Variants in HNRNPA1 observed in about 807,000 individuals in gnomAD.
HNRNPA1 encodes the protein epididymis secretory sperm binding protein.
A neutral mutation model predicts 44.4 loss-of-function variants in HNRNPA1; 7 were observed. The observed-to-expected ratio is 0.16, with a 90% CI of 0.09 to 0.30. HNRNPA1 has a LOEUF of 0.30. Among genes scored for constraint, HNRNPA1 ranks in the 10% least tolerant of loss-of-function variants. HNRNPA1 has a pLI of 1.00. For missense variants in HNRNPA1, 193 were observed against 465.8 expected (o/e 0.41, Z 5.39); for synonymous variants, 169 against 160.6 (o/e 1.05, Z -0.40).
rs1026998836 is a variant in HNRNPA1 at position 54,285,651 on chromosome 12, A to T, written c.*1107A>T. 76 of 152,288 alleles carry T rather than the reference A, an allele frequency of 5.0e-4. No homozygotes were observed. Among genetic ancestry groups the T allele is most frequent in the African/African-American group, 1.8e-3 (74 of 41,556 alleles). 9.4% of individuals were successfully genotyped at this position (152,288 alleles called of 1,614,324 possible). A position where few individuals can be genotyped will look rare whatever the true frequency, so the allele number is the denominator to read the frequency against. On this transcript the variant is annotated 3_prime_UTR_variant, in exon 11 of 11. Transcript: ENST00000340913. ...GTTTCCCTTTATGGCACAAGGGGTC[A>T]CACAACCTACCTAAAATGTTAATTG... is the stretch of plus-strand genomic sequence containing the variant.
intron 9 of HNRNPA1, 75 bp downstream of exon 9, chr12:54,284,042 T>C (rs1395159315): frequency 1.3e-6 from 2 of 1,515,918 alleles, no homozygotes; most frequent in Non-Finnish European, 1.8e-6. Context: ...GCCCTTTAAC[T>C]GCTATGTCTG....
rs1449056543 is a variant in HNRNPA1 at position 54,285,428 on chromosome 12, C to T, written c.*884C>T. On this transcript the variant is annotated 3_prime_UTR_variant, in exon 11 of 11. Transcript: ENST00000340913. ...CGCAGATTTGAAGTGTCTGGGAGGCCTTTTAAAAATAACTAATATCAGAAA... is the reference window on the plus strand; with the variant it reads ...CGCAGATTTGAAGTGTCTGGGAGGCTTTTTAAAAATAACTAATATCAGAAA... 1 of 152,154 alleles carries T rather than the reference C, an allele frequency of 6.6e-6. No homozygotes were observed. Among genetic ancestry groups the T allele is most frequent in the African/African-American group, 2.4e-5 (1 of 41,416 alleles). The allele number at this position is 152,154 out of a possible 1,614,324, so 9.4% of individuals were successfully genotyped here.
Position 54,281,548 on chromosome 12 carries a change from G to C in HNRNPA1, c.132+46G>C, listed in dbSNP as rs560406331. On this transcript the variant is annotated intron_variant, in intron 2 of 10. Coordinates refer to ENST00000340913, the MANE Select transcript of HNRNPA1 (RefSeq NM_031157.4). Reference sequence around the variant, plus strand: ...AGCAGTAAAACAGCCGATTTCCTTGGCTTATCTTGGTGCAGTCTTCTCCGA... The same window carrying C: ...AGCAGTAAAACAGCCGATTTCCTTGCCTTATCTTGGTGCAGTCTTCTCCGA... The C allele has an allele frequency of 9.0e-6, 12 of 1,335,238 alleles. No homozygotes were observed. The South Asian group carries it at 1.3e-4, about 14-fold the overall frequency. 82.7% of individuals were successfully genotyped at this position (1,335,238 alleles called of 1,614,324 possible). A position where few individuals can be genotyped will look rare whatever the true frequency, so the allele number is the denominator to read the frequency against.
intron 6 of HNRNPA1, 50 bp from the exon 7 acceptor site, chr12:54,282,750 T>A (rs1182592544): frequency 1.3e-6 from 2 of 1,585,364 alleles, no homozygotes; most frequent in Non-Finnish European, 1.7e-6. Context: ...GCATTCAGAA[T>A]GTCACTTTAA....
In HNRNPA1 at chr12:54,280,737, T is replaced by C. The variant is rs569395534; in HGVS notation, c.-71T>C. On this transcript the variant is annotated 5_prime_UTR_variant, in exon 1 of 11. Coordinates refer to ENST00000340913, the MANE Select transcript of HNRNPA1 (RefSeq NM_031157.4). The stretch of plus-strand genomic sequence containing the variant: ...GAAGGTAGGCTGGCAGATACGTTCG[T>C]CAGCTTGCTCCTTTCTGCCCGTGGA... 8.2e-6 allele frequency: 13 copies of C among 1,586,214 alleles called. No individual in the cohort carries two copies. The highest frequency in any genetic ancestry group is 6.6e-5 in the South Asian group (6 of 90,504).
rs202119045 is a variant in HNRNPA1 at position 54,282,381 on chromosome 12, GT to G, written c.491-3del. 4.3e-4 allele frequency: 621 copies of G among 1,431,734 alleles called. No homozygotes were observed. The highest frequency in any genetic ancestry group is 7.2e-4 in the Admixed American group (39 of 54,430). The allele number at this position is 1,431,734 out of a possible 1,614,324, so 88.7% of individuals were successfully genotyped here. Reference sequence around the variant, plus strand: ...AACCCTGATACCATGTTGTATCTATGTTTTTTTTTTAGTTCAGAAATACCAT... The same window carrying G: ...AACCCTGATACCATGTTGTATCTATGTTTTTTTTTAGTTCAGAAATACCAT... On this transcript the variant is annotated splice_polypyrimidine_tract_variant and intron_variant, in intron 4 of 10. Transcript: ENST00000340913.
In HNRNPA1 at chr12:54,285,376, C is replaced by G. The variant is rs999748174; in HGVS notation, c.*832C>G. On this transcript the variant is annotated 3_prime_UTR_variant, in exon 11 of 11. Transcript: ENST00000340913. Reference sequence around the variant, plus strand: ...AGCTCTGCCAGGGAATAGAAACTAGCTGCTGGCTAATGCCGCTCCATAAAT... The same window carrying G: ...AGCTCTGCCAGGGAATAGAAACTAGGTGCTGGCTAATGCCGCTCCATAAAT... 11 of 152,236 alleles carry G rather than the reference C, an allele frequency of 7.2e-5. No individual in the cohort carries two copies. Among genetic ancestry groups the G allele is most frequent in the Admixed American group, 6.5e-4 (10 of 15,284 alleles). 9.4% of individuals were successfully genotyped at this position (152,236 alleles called of 1,614,324 possible).
In HNRNPA1 at chr12:54,284,335, T is replaced by A; in HGVS notation, c.*4+18T>A. ...TTAATTAGGTAAGTAAGCACCTTTTTGTGTGTTGACATAATTTTTTAAATT... is the reference window on the plus strand; with the variant it reads ...TTAATTAGGTAAGTAAGCACCTTTTAGTGTGTTGACATAATTTTTTAAATT... On this transcript the variant is annotated intron_variant, in intron 10 of 10. Coordinates refer to ENST00000340913, the MANE Select transcript of HNRNPA1 (RefSeq NM_031157.4). The A allele has an allele frequency of 6.2e-7, 1 of 1,609,728 alleles. No homozygotes were observed. The highest frequency in any genetic ancestry group is 8.5e-7 in the Non-Finnish European group (1 of 1,176,334).
rs574115669 is a variant in HNRNPA1, at chr12:54,281,055, A to G, written c.15+233A>G. 9 of 706,152 alleles carry G rather than the reference A, an allele frequency of 1.3e-5. No individual in the cohort carries two copies. In the Admixed American group the frequency reaches 1.4e-4, roughly 11 times the overall value. 43.7% of individuals were successfully genotyped at this position (706,152 alleles called of 1,614,324 possible). ...ACTCGTTACTCGTAGCAAAATTCTT[A>G]GGCACACAGGATCTTTGTCTTTTTT... On this transcript the variant is annotated intron_variant, in intron 1 of 10. Transcript: ENST00000340913.
chr12:54,281,537 C>A (rs752660681), intron 2 of HNRNPA1, 35 bp downstream of exon 2: 1 of 1,437,970 alleles, frequency 7.0e-7, no homozygotes, highest in Non-Finnish European at 9.8e-7. Flanking sequence ...GTAAAACAGC[C>A]GATTTCCTTG....
intron 2 of HNRNPA1, 122 bp from the exon 3 acceptor site, chr12:54,281,672 TG>T (rs1218423121): frequency 1.8e-6 from 2 of 1,134,000 alleles, no homozygotes; most frequent in African/African-American, 3.2e-5. Context: ...TCTAGGGTAG[TG>T]GGAAACTGGA....
rs972110303 is a variant in HNRNPA1 at position 54,284,060 on chromosome 12, A to G, written c.1063+93A>G. On this transcript the variant is annotated intron_variant, in intron 9 of 10. Coordinates refer to ENST00000340913, the MANE Select transcript of HNRNPA1 (RefSeq NM_031157.4). ...CTTTAACTGCTATGTCTGGGCAGCA[A>G]AACGTTTATAGTTTAGAACCTTCAG... 6 of 1,454,570 alleles carry G rather than the reference A, an allele frequency of 4.1e-6. No homozygotes were observed. The African/African-American group carries it at 8.5e-5, about 21-fold the overall frequency. 90.1% of individuals were successfully genotyped at this position (1,454,570 alleles called of 1,614,324 possible).
intron 2 of HNRNPA1, 120 bp from the exon 3 acceptor site, chr12:54,281,675 G>A (rs1944173609): frequency 3.4e-6 from 4 of 1,167,550 alleles, no homozygotes; most frequent in Non-Finnish European, 4.9e-6. Flanking sequence ...AGGGTAGTGG[G>A]AAACTGGACG....
At chr12:54,284,000 A>G (rs760260888) in intron 9 of HNRNPA1, 33 bp downstream of exon 9, 2 of 1,600,884 alleles carry the variant, frequency 1.2e-6, no homozygotes, top group Non-Finnish European at 1.7e-6. Flanking sequence ...GATAATGTCA[A>G]AAGAGTGTCT....
At chr12:54,281,345 T>A in intron 1 of HNRNPA1, 41 bp from the exon 2 acceptor site, 1 of 1,056,274 alleles carries the variant, frequency 9.5e-7, no homozygotes, top group Non-Finnish European at 1.5e-6. Flanking sequence ...AATTGTTTCG[T>A]GTTGTAGCCC....
intron 1 of HNRNPA1, 169 bp from the exon 2 acceptor site, chr12:54,281,217 T>G (rs1262765503): frequency 2.8e-6 from 2 of 704,472 alleles, no homozygotes; most frequent in Non-Finnish European, 5.2e-6. Context: ...TTCCTAGCAC[T>G]CCCAACTCCA....
In HNRNPA1 at chr12:54,285,822, C is replaced by T. The variant is rs1247261763; in HGVS notation, c.*1278C>T. ...CATAGAGATTTGTCTATCAATAGGA[C>T]TGTATATTCCATCCCATGGGTGTGT... On this transcript the variant is annotated 3_prime_UTR_variant, in exon 11 of 11. Coordinates refer to ENST00000340913, the MANE Select transcript of HNRNPA1 (RefSeq NM_031157.4). 8.0e-6 allele frequency: 1 copy of T among 125,740 alleles called. No homozygotes were observed. Among genetic ancestry groups the T allele is most frequent in the African/African-American group, 2.9e-5 (1 of 34,000 alleles). The allele number at this position is 125,740 out of a possible 1,614,324, so 7.8% of individuals were successfully genotyped here.
rs1944268957 is a variant in HNRNPA1, at chr12:54,286,757, A to G, written c.*2213A>G. 6.6e-6 allele frequency: 1 copy of G among 152,232 alleles called. No individual in the cohort carries two copies. The highest frequency in any genetic ancestry group is 1.5e-5 in the Non-Finnish European group (1 of 68,036). 9.4% of individuals were successfully genotyped at this position (152,232 alleles called of 1,614,324 possible). A position where few individuals can be genotyped will look rare whatever the true frequency, so the allele number is the denominator to read the frequency against. ...GGTAAGTTTTTACAAATTAGTGCTC[A>G]GCAAAAGAATGCCCTGCGTTCCCAA... On this transcript the variant is annotated 3_prime_UTR_variant, in exon 11 of 11. Coordinates refer to ENST00000340913, the MANE Select transcript of HNRNPA1 (RefSeq NM_031157.4).
chr12:54,283,212 AGGCGGCTTT>A lies in HNRNPA1; in HGVS notation c.891_899del (p.Phe298_Gly300del). 1.2e-6 allele frequency: 2 copies of A among 1,610,494 alleles called. No individual in the cohort carries two copies. The highest frequency in any genetic ancestry group is 1.7e-6 in the Non-Finnish European group (2 of 1,178,912). On this transcript the variant is annotated inframe_deletion, in exon 8 of 11. Transcript: ENST00000340913. ...ATGACAGCTATAACAACGGAGGCGG[AGGCGGCTTT>A]GGCGGTGGTAGTGGTAGGTATCCAG...
Sources: gnomAD v4.1 joint callset for allele counts on GRCh38, gnomAD v4.1.1 for gene constraint, MANE v1.5 for transcripts, NCBI Gene and HGNC (gene_info 2026-07-23, HGNC 2026-07-21) for gene names.